IGF2R: variants seen among roughly 807,000 people sequenced by gnomAD.
IGF2R encodes insulin like growth factor 2 receptor.
A neutral mutation model predicts 270.6 loss-of-function variants in IGF2R; 91 were observed. The observed-to-expected ratio is 0.34, with a 90% CI of 0.28 to 0.40. The LOEUF is 0.40. IGF2R is among the 10% of genes least tolerant of loss of function. IGF2R has a pLI of 1.00. For missense variants in IGF2R, 2,805 were observed against 3,188.3 expected, an observed-to-expected ratio of 0.88 and a Z score of 2.90; for synonymous variants, 1,316 against 1,258.9, an observed-to-expected ratio of 1.05 and a Z score of -0.96.
At chr6:160,010,840 T>A in intron 4 of IGF2R, 55 bp downstream of exon 4, 1 of 1,040,864 alleles carries the variant, frequency 9.6e-7, no homozygotes, top group Non-Finnish European at 1.5e-6. Flanking sequence ...GGGAACTTTA[T>A]CTTTCAAATA....
intron 38 of IGF2R, among the ~76,000 whole-genome samples, 164 bp from the exon 39 acceptor site, chr6:160,079,965 C>T (rs776842263): frequency 1.4e-4 from 22 of 152,156 alleles, no homozygotes; most frequent in Admixed American, 2.6e-4. Context: ...GTGTGAATCA[C>T]GCTGTGTTCT....
intron 12 of IGF2R, 118 bp downstream of exon 12, chr6:160,043,406 G>A: frequency 1.7e-6 from 2 of 1,198,946 alleles, no homozygotes; most frequent in South Asian, 3.2e-5. Context: ...ATCACATGAA[G>A]GATGGTAAAA....
At chr6:160,073,728 G>T in intron 34 of IGF2R, 29 bp from the exon 35 acceptor site, 1 of 1,579,600 alleles carries the variant, frequency 6.3e-7, no homozygotes, top group Non-Finnish European at 8.7e-7. Context: ...TTTTTTTGTA[G>T]ACTCAAAGCA....
rs1468249456 is a variant in IGF2R, at chr6:160,109,524, G to A, written c.*4440G>A. On this transcript the variant is annotated 3_prime_UTR_variant, in exon 48 of 48. Transcript: ENST00000356956. ...TATCACCAGACATTTCTACAAATGAGGACCTTCACAGGACTAAGGTGCCAC... is the reference window on the plus strand; with the variant it reads ...TATCACCAGACATTTCTACAAATGAAGACCTTCACAGGACTAAGGTGCCAC... 1 of 152,188 alleles carries A rather than the reference G, an allele frequency of 6.6e-6. No individual in the cohort carries two copies. The highest frequency in any genetic ancestry group is 1.5e-5 in the Non-Finnish European group (1 of 68,040). The allele number at this position is 152,188 out of a possible 1,614,324, so 9.4% of individuals were successfully genotyped here. A position where few individuals can be genotyped will look rare whatever the true frequency, so the allele number is the denominator to read the frequency against.
At chr6:160,062,009 CTTG>C in intron 25 of IGF2R, 81 bp downstream of exon 25, 1 of 1,380,136 alleles carries the variant, frequency 7.2e-7, no homozygotes, top group Non-Finnish European at 1.0e-6. Flanking sequence ...AATCTTCTAT[CTTG>C]TTTAAAACTT....
At chr6:160,071,192 G>GC (rs141091494) in intron 31 of IGF2R, among the ~76,000 whole-genome samples, 13 of 117,116 alleles carry the variant, frequency 1.1e-4, no homozygotes, top group East Asian at 8.5e-4. Flanking sequence ...GTGTGTGGAG[G>GC]CCCTGTGCCC....
intron 44 of IGF2R, among the ~76,000 whole-genome samples, chr6:160,090,508 C>G (rs142923426): frequency 6.6e-6 from 1 of 152,274 alleles, no homozygotes; most frequent in East Asian, 1.9e-4. Context: ...TGAAAGGAAA[C>G]TGGCCTAAAT....
intron 2 of IGF2R, among the ~76,000 whole-genome samples, chr6:159,996,582 G>A (rs544041914): frequency 6.6e-6 from 1 of 152,194 alleles, no homozygotes; most frequent in East Asian, 1.9e-4. Context: ...AGGTGTGGGG[G>A]TTGCTCCAGC....
chr6:160,056,463 G>C lies in IGF2R; in HGVS notation c.2734G>C (p.Val912Leu). ...PIFSLNWECV[V>L]SFLWNTEAAC... is the part of the protein sequence containing the mutation. ...CTTTTCTCTCAACTGGGAGTGTGTG[G>C]TCAGTTTCCTGTGGAACACAGAGGC... Residue 912 changes from valine to leucine, a missense_variant, in exon 20 of 48, where the codon GTC (valine) becomes CTC (leucine). This residue lies in a region of IGF2R where 1,851 missense variants were observed against 2,207.2 expected (regional missense o/e 0.84). Transcript: ENST00000356956. The C allele has an allele frequency of 6.2e-7, 1 of 1,614,076 alleles. No individual in the cohort carries two copies. The highest frequency in any genetic ancestry group is 8.5e-7 in the Non-Finnish European group (1 of 1,179,972).
At chr6:159,972,274 C>T (rs1022365043) in intron 1 of IGF2R, among the ~76,000 whole-genome samples, 2 of 152,254 alleles carry the variant, frequency 1.3e-5, no homozygotes, top group East Asian at 1.9e-4. Context: ...CAAATGTCCC[C>T]GTTTGTTTTT....
At chr6:160,053,510 G>T (rs2115254533) in intron 19 of IGF2R, among the ~76,000 whole-genome samples, 1 of 152,284 alleles carries the variant, frequency 6.6e-6, no homozygotes, top group Non-Finnish European at 1.5e-5. Flanking sequence ...TCCTTAGCCA[G>T]GGGACAACAG....
rs953444612 is a variant in IGF2R at position 160,102,078 on chromosome 6, A to G, written c.6843-441A>G. ...CCCCCTGGGCCCCTTTCGTGTGGAGATGGTGTCTCATGGTGGGCTGCGCTC... is the reference window on the plus strand; with the variant it reads ...CCCCCTGGGCCCCTTTCGTGTGGAGGTGGTGTCTCATGGTGGGCTGCGCTC... On this transcript the variant is annotated intron_variant, in intron 45 of 47. Transcript: ENST00000356956. The surrounding 1 kb of genome is among the most constrained non-coding windows in gnomAD (Gnocchi z 4.5). Among the ~76,000 whole-genome samples the G allele has an allele frequency of 5.9e-5, 9 of 151,906 alleles. No individual in the cohort carries two copies. The highest frequency in any genetic ancestry group is 5.2e-4 in the Admixed American group (8 of 15,268).
intron 29 of IGF2R, among the ~76,000 whole-genome samples, chr6:160,065,987 A>C (rs940779095): frequency 8.0e-6 from 1 of 124,950 alleles, no homozygotes; most frequent in Non-Finnish European, 1.7e-5. Context: ...TACAGACACC[A>C]CCATGCCTGG....
intron 2 of IGF2R, among the ~76,000 whole-genome samples, chr6:159,996,040 A>G (rs1784048866): frequency 1.3e-5 from 2 of 149,124 alleles, no homozygotes; most frequent in African/African-American, 2.5e-5. Flanking sequence ...CGTATGTTGT[A>G]TATAGTTGTT....
Position 160,050,342 on chromosome 6 carries a change from T to A in IGF2R, c.2515-131T>A. On this transcript the variant is annotated intron_variant, in intron 18 of 47. Coordinates refer to ENST00000356956, the MANE Select transcript of IGF2R (RefSeq NM_000876.4). This position sits in a 1 kb window ranked among gnomAD's most constrained non-coding sequence, Gnocchi z 4.0. ...CCTATTCCATATGTAATAAGGGGATTTCCCCAGGAGCAGTGGTTCTGTATT... is the reference window on the plus strand; with the variant it reads ...CCTATTCCATATGTAATAAGGGGATATCCCCAGGAGCAGTGGTTCTGTATT... 1.1e-6 allele frequency: 1 copy of A among 913,384 alleles called. No homozygotes were observed. Among genetic ancestry groups the A allele is most frequent in the East Asian group, 2.5e-5 (1 of 40,352 alleles). 56.6% of individuals were successfully genotyped at this position (913,384 alleles called of 1,614,324 possible).
At chr6:160,051,639 G>C (rs996644393) in intron 19 of IGF2R, among the ~76,000 whole-genome samples, 3 of 152,136 alleles carry the variant, frequency 2.0e-5, no homozygotes, top group Non-Finnish European at 4.4e-5. Context: ...AGGGCTGTAT[G>C]TGTAATACAA....
chr6:160,069,950 G>A lies in IGF2R; in HGVS notation c.4335G>A (p.Gln1445=). The A allele has an allele frequency of 6.2e-7, 1 of 1,614,244 alleles. No homozygotes were observed. Among genetic ancestry groups the A allele is most frequent in the South Asian group, 1.1e-5 (1 of 91,084 alleles). Reference sequence around the variant, plus strand: ...TCGGCAGGGTAAGGGACGGACCTCAGTGGAGAGATGGCATAATTGTCCTGA... The same window carrying A: ...TCGGCAGGGTAAGGGACGGACCTCAATGGAGAGATGGCATAATTGTCCTGA... ...VNLGRVRDGP[Q]WRDGIIVLKY... is the part of the protein sequence containing the mutation. The change falls in exon 31 of 48, where the codon CAG becomes CAA. Residue 1445 remains glutamine (Q), a synonymous_variant. Coordinates refer to ENST00000356956, the MANE Select transcript of IGF2R (RefSeq NM_000876.4).
intron 1 of IGF2R, among the ~76,000 whole-genome samples, chr6:159,989,409 A>G (rs961884050): frequency 6.6e-6 from 1 of 151,998 alleles, no homozygotes; most frequent in African/African-American, 2.4e-5. Flanking sequence ...TCTGTGAGGG[A>G]GTGCTTCTGT....
chr6:160,076,854 A>G (rs1359808327), intron 36 of IGF2R, among the ~76,000 whole-genome samples: 1 of 152,230 alleles, frequency 6.6e-6, no homozygotes, highest in Non-Finnish European at 1.5e-5. Context: ...GGGTGTGAGA[A>G]TTGCCTCTTA....
Sources: gnomAD v4.1 joint callset for allele counts (sites outside exome capture counted in the v4.1 genomes callset) on GRCh38, gnomAD v4.1.1 for gene constraint, gnomAD v4.1.1 regional missense constraint, Gnocchi (gnomAD v3.1) non-coding constraint, MANE v1.5 for transcripts, NCBI Gene and HGNC (gene_info 2026-07-23, HGNC 2026-07-21) for gene names.